KCNK13: variants seen among roughly 807,000 people sequenced by gnomAD.
KCNK13 encodes potassium two pore domain channel subfamily K member 13.
Under a neutral mutation model 23.4 loss-of-function variants are expected in KCNK13, and 12 were observed. That is an observed-to-expected ratio of 0.51 (90% CI 0.33 to 0.83). The LOEUF is 0.83. Ranked by LOEUF, KCNK13 falls within the 40% of genes least tolerant of loss-of-function variation. The pLI, the probability that KCNK13 is intolerant of heterozygous loss-of-function variation, is 0.02. For synonymous variants in KCNK13, 231 were observed against 229.5 expected (o/e 1.01, Z -0.06); for missense variants, 463 against 556.3 (o/e 0.83, Z 1.69).
intron 1 of KCNK13, among the ~76,000 whole-genome samples, chr14:90,167,845 C>T (rs1029855560): frequency 1.4e-4 from 22 of 152,206 alleles, no homozygotes; most frequent in African/African-American, 5.3e-4. Flanking sequence ...GCTCACATGA[C>T]AGGAGGTGTA....
Position 90,185,335 on chromosome 14 carries a change from T to A in KCNK13, c.*332T>A. On this transcript the variant is annotated 3_prime_UTR_variant, in exon 2 of 2. Transcript: ENST00000282146. Reference sequence around the variant, plus strand: ...AGCTGCCTGAGGAGATAGGTTTTCCTTAAGCCTTGATTTCCTGAAGCTCTC... The same window carrying A: ...AGCTGCCTGAGGAGATAGGTTTTCCATAAGCCTTGATTTCCTGAAGCTCTC... 5.1e-6 allele frequency: 1 copy of A among 197,858 alleles called. No individual in the cohort carries two copies. The highest frequency in any genetic ancestry group is 2.3e-5 in the African/African-American group (1 of 43,212). The allele number at this position is 197,858 out of a possible 1,614,324, so 12.3% of individuals were successfully genotyped here. A position where few individuals can be genotyped will look rare whatever the true frequency, so the allele number is the denominator to read the frequency against.
At chr14:90,077,881 T>C (rs1046999424) in intron 1 of KCNK13, among the ~76,000 whole-genome samples, 4 of 152,216 alleles carry the variant, frequency 2.6e-5, no homozygotes, top group African/African-American at 9.6e-5. Context: ...GCCACTCCCA[T>C]TCCCAACAGA....
chr14:90,128,534 T>TAGC (rs1363267689), intron 1 of KCNK13, among the ~76,000 whole-genome samples: 4 of 152,046 alleles, frequency 2.6e-5, no homozygotes, highest in African/African-American at 9.7e-5. Flanking sequence ...CAAACAAGCA[T>TAGC]AGCGGCAGAA....
At chr14:90,179,849 C>T (rs1273216233) in intron 1 of KCNK13, among the ~76,000 whole-genome samples, 1 of 152,188 alleles carries the variant, frequency 6.6e-6, no homozygotes. Context: ...GACATATATA[C>T]ATTCAGAAAT....
chr14:90,086,293 G>C (rs1269840499), intron 1 of KCNK13, among the ~76,000 whole-genome samples: 1 of 152,118 alleles, frequency 6.6e-6, no homozygotes, highest in East Asian at 1.9e-4. Context: ...GCTCTACATA[G>C]ATAAACTTTC....
At chr14:90,159,808 C>T (rs965888547) in intron 1 of KCNK13, among the ~76,000 whole-genome samples, 3 of 151,952 alleles carry the variant, frequency 2.0e-5, no homozygotes, top group Non-Finnish European at 4.4e-5. Flanking sequence ...GAATAATGAC[C>T]CCACATTGCT....
At chr14:90,088,628 C>A (rs1422347230) in intron 1 of KCNK13, among the ~76,000 whole-genome samples, 4 of 152,206 alleles carry the variant, frequency 2.6e-5, no homozygotes, top group Admixed American at 2.6e-4. Flanking sequence ...GAAAATCTGG[C>A]AATGTCAGGC....
chr14:90,077,519 G>A (rs1447510533), intron 1 of KCNK13, among the ~76,000 whole-genome samples: 3 of 152,106 alleles, frequency 2.0e-5, no homozygotes, highest in Non-Finnish European at 4.4e-5. Context: ...TTGGGTATTC[G>A]TGTTTTAAAA....
intron 1 of KCNK13, chr14:90,107,832 A>G: frequency 1.2e-6 from 1 of 862,240 alleles, no homozygotes; most frequent in South Asian, 1.3e-5. Context: ...ACCACCAACC[A>G]CACTAACAAG....
intron 1 of KCNK13, among the ~76,000 whole-genome samples, chr14:90,095,630 TTTTTC>T (rs1247361272): frequency 1.3e-5 from 2 of 152,180 alleles, no homozygotes; most frequent in Non-Finnish European, 2.9e-5. Flanking sequence ...AAGCTGTTTT[TTTTTC>T]TATTCTCTCA....
intron 1 of KCNK13, among the ~76,000 whole-genome samples, chr14:90,064,115 C>G (rs1001529701): frequency 6.6e-6 from 1 of 152,224 alleles, no homozygotes; most frequent in African/African-American, 2.4e-5. Context: ...CTCCTCACAT[C>G]ACCTCCCACG....
chr14:90,062,164 C>T lies in KCNK13; in HGVS notation c.-42C>T. The T allele has an allele frequency of 7.9e-7, 1 of 1,264,498 alleles. No homozygotes were observed. Among genetic ancestry groups the T allele is most frequent in the Non-Finnish European group, 1.0e-6 (1 of 982,456 alleles). The allele number at this position is 1,264,498 out of a possible 1,614,324, so 78.3% of individuals were successfully genotyped here. A position where few individuals can be genotyped will look rare whatever the true frequency, so the allele number is the denominator to read the frequency against. ...GGGTGTGGGCGAGACTCCGCCGACG[C>T]CCGGTGCCGTGGGCCTGGGGGCTGC... On this transcript the variant is annotated 5_prime_UTR_variant, in exon 1 of 2. Coordinates refer to ENST00000282146, the MANE Select transcript of KCNK13 (RefSeq NM_022054.4). This position sits in a 1 kb window ranked among gnomAD's most constrained non-coding sequence, Gnocchi z 4.5.
chr14:90,178,901 G>T (rs550326253), intron 1 of KCNK13, among the ~76,000 whole-genome samples: 1 of 152,128 alleles, frequency 6.6e-6, no homozygotes. Flanking sequence ...CATACCAAAT[G>T]AGAGGGGAGA....
At chr14:90,183,716 C>G (rs924032465) in intron 1 of KCNK13, among the ~76,000 whole-genome samples, 2 of 152,168 alleles carry the variant, frequency 1.3e-5, no homozygotes, top group African/African-American at 4.8e-5. Flanking sequence ...TTTGTATGAG[C>G]CTTTGCTTCT....
chr14:90,118,492 A>G (rs1340112557), intron 1 of KCNK13, among the ~76,000 whole-genome samples: 1 of 152,220 alleles, frequency 6.6e-6, no homozygotes, highest in Admixed American at 6.5e-5. Context: ...TTGTAGCATG[A>G]TTCAGTGCTT....
intron 1 of KCNK13, among the ~76,000 whole-genome samples, chr14:90,145,811 G>A (rs1890065808): frequency 6.6e-6 from 1 of 151,772 alleles, no homozygotes; most frequent in African/African-American, 2.4e-5. Context: ...GACCAGCCTT[G>A]GCAACATGAC....
chr14:90,142,549 A>T (rs1358795263), intron 1 of KCNK13, among the ~76,000 whole-genome samples: 2 of 151,388 alleles, frequency 1.3e-5, no homozygotes, highest in Non-Finnish European at 2.9e-5. Context: ...CGATCTCCTG[A>T]CCTCGTGATC....
chr14:90,068,191 T>G (rs1173413647), intron 1 of KCNK13, among the ~76,000 whole-genome samples: 2 of 152,092 alleles, frequency 1.3e-5, no homozygotes, highest in African/African-American at 4.8e-5. Flanking sequence ...CCCACATCCT[T>G]GGCCAAATCA....
At position 90,122,462 on chromosome 14, in the gene KCNK13, G is replaced by A. The variant is rs1362963247; in HGVS notation, c.334+59923G>A. Among the ~76,000 whole-genome samples the A allele has an allele frequency of 3.9e-5, 6 of 151,946 alleles. 1 individual carries two copies. The highest frequency in any genetic ancestry group is 2.1e-4 in the South Asian group (1 of 4,814). On this transcript the variant is annotated intron_variant, in intron 1 of 1. Coordinates refer to ENST00000282146, the MANE Select transcript of KCNK13 (RefSeq NM_022054.4). Reference sequence around the variant, plus strand: ...CCTCAGCCTCAGGCTGAGAATTCCCGGCCTGTAGCTGGGAATACAGGTGCC... The same window carrying A: ...CCTCAGCCTCAGGCTGAGAATTCCCAGCCTGTAGCTGGGAATACAGGTGCC...
Sources: gnomAD v4.1 joint callset for allele counts (sites outside exome capture counted in the v4.1 genomes callset) on GRCh38, gnomAD v4.1.1 for gene constraint, Gnocchi (gnomAD v3.1) non-coding constraint, MANE v1.5 for transcripts, NCBI Gene and HGNC (gene_info 2026-07-23, HGNC 2026-07-21) for gene names.